Variants in SOX6 observed in about 807,000 individuals in gnomAD.
SOX6 encodes SRY-box transcription factor 6.
A neutral mutation model predicts 97.8 loss-of-function variants in SOX6; 11 were observed. The observed-to-expected ratio is 0.11, with a 90% CI of 0.07 to 0.19. SOX6 has a LOEUF of 0.19. SOX6 is among the 10% of genes least tolerant of loss of function. The pLI is 1.00. For missense variants in SOX6, 810 were observed against 1,039.5 expected (o/e 0.78, Z 3.04); for synonymous variants, 360 against 371.4 (o/e 0.97, Z 0.35).
chr11:16,335,628 T>C (rs2134331381), intron 2 of SOX6, among the ~76,000 whole-genome samples: 1 of 152,298 alleles, frequency 6.6e-6, no homozygotes, highest in South Asian at 2.1e-4. Context: ...ATAACAAGAT[T>C]AGAAATCTTC....
chr11:16,067,104 A>T (rs138014747), intron 9 of SOX6, among the ~76,000 whole-genome samples: 232 of 152,250 alleles, frequency 1.5e-3, no homozygotes, highest in Non-Finnish European at 2.3e-3. Context: ...GGCTCATAGG[A>T]AGAAGAAACT....
intron 3 of SOX6, among the ~76,000 whole-genome samples, chr11:16,274,733 T>A (rs1423862213): frequency 1.3e-5 from 2 of 152,186 alleles, no homozygotes; most frequent in Non-Finnish European, 2.9e-5. Flanking sequence ...TAGAAAGTGA[T>A]ACAAAGGTCA....
At chr11:16,250,747 T>C (rs1027724899) in intron 3 of SOX6, among the ~76,000 whole-genome samples, 3 of 152,042 alleles carry the variant, frequency 2.0e-5, no homozygotes, top group Admixed American at 1.3e-4. Context: ...GATTTTAACA[T>C]AGCTGCCTCA....
chr11:16,156,625 T>A (rs995616194), intron 6 of SOX6, among the ~76,000 whole-genome samples: 1 of 151,898 alleles, frequency 6.6e-6, no homozygotes, highest in Non-Finnish European at 1.5e-5. Flanking sequence ...CACCAATACA[T>A]CTCTGACTTC....
chr11:16,675,323 A>T (rs1847876721), intron 3 of SOX6, among the ~76,000 whole-genome samples: 1 of 152,078 alleles, frequency 6.6e-6, no homozygotes, highest in Non-Finnish European at 1.5e-5. Context: ...CTATTTTTTT[A>T]AATTATATTT....
intron 4 of SOX6, among the ~76,000 whole-genome samples, chr11:16,580,620 T>C (rs181714815): frequency 2.6e-5 from 4 of 152,002 alleles, no homozygotes; most frequent in Admixed American, 6.6e-5. Flanking sequence ...ATAAAGAAAA[T>C]ATGTTGCATC....
At chr11:16,460,418 T>TAC (rs1859900224) in intron 1 of SOX6, among the ~76,000 whole-genome samples, 1 of 151,914 alleles carries the variant, frequency 6.6e-6, no homozygotes, top group Admixed American at 6.6e-5. Flanking sequence ...TGAGTTCATA[T>TAC]TCTTATAGTG....
intron 3 of SOX6, among the ~76,000 whole-genome samples, chr11:16,661,581 T>G (rs767546252): frequency 3.3e-5 from 5 of 152,122 alleles, no homozygotes; most frequent in African/African-American, 7.2e-5. Context: ...AAGGTCCTGC[T>G]CTGTCACGAA....
At chr11:16,451,716 C>T (rs1859718282) in intron 1 of SOX6, among the ~76,000 whole-genome samples, 1 of 152,076 alleles carries the variant, frequency 6.6e-6, no homozygotes, top group African/African-American at 2.4e-5. Flanking sequence ...ATTGTGCATC[C>T]TAATCAACTG....
At chr11:16,462,748 C>A (rs1250902486) in intron 1 of SOX6, among the ~76,000 whole-genome samples, 1 of 152,214 alleles carries the variant, frequency 6.6e-6, no homozygotes, top group Non-Finnish European at 1.5e-5. Context: ...CCCACAGTGA[C>A]ACACTTCTCC....
chr11:16,532,938 T>A (rs144862533), intron 4 of SOX6, among the ~76,000 whole-genome samples: 1 of 151,860 alleles, frequency 6.6e-6, no homozygotes, highest in African/African-American at 2.4e-5. Flanking sequence ...TATATTTTGG[T>A]GTGTGTTGCA....
At chr11:15,978,870 A>G (rs1050285551) in intron 15 of SOX6, among the ~76,000 whole-genome samples, 4 of 136,866 alleles carry the variant, frequency 2.9e-5, no homozygotes, top group Admixed American at 7.6e-5. Flanking sequence ...TATATATAAC[A>G]TATAAGCATT....
intron 4 of SOX6, among the ~76,000 whole-genome samples, chr11:16,229,628 T>C (rs1230654141): frequency 6.6e-6 from 1 of 151,928 alleles, no homozygotes; most frequent in Non-Finnish European, 1.5e-5. Flanking sequence ...AAATAAAATA[T>C]GTATATGAAG....
intron 4 of SOX6, among the ~76,000 whole-genome samples, chr11:16,521,747 T>C (rs990597792): frequency 2.0e-5 from 3 of 152,072 alleles, no homozygotes; most frequent in African/African-American, 7.2e-5. Flanking sequence ...TTTAGACGAA[T>C]GTATAACTAG....
intron 13 of SOX6, among the ~76,000 whole-genome samples, chr11:16,001,619 A>C (rs768616278): frequency 6.6e-6 from 1 of 152,176 alleles, no homozygotes; most frequent in Non-Finnish European, 1.5e-5. Flanking sequence ...CACTTTAAGG[A>C]TGCCACTTCC....
intron 9 of SOX6, among the ~76,000 whole-genome samples, chr11:16,086,420 G>A (rs1005170167): frequency 1.6e-4 from 25 of 152,266 alleles, no homozygotes; most frequent in African/African-American, 4.8e-4. Context: ...TGTGCTCTCT[G>A]CCCCACAGTT....
At chr11:16,446,455 A>C (rs1186358222) in intron 1 of SOX6, among the ~76,000 whole-genome samples, 1 of 152,124 alleles carries the variant, frequency 6.6e-6, no homozygotes, top group Non-Finnish European at 1.5e-5. Flanking sequence ...AAATGAGGTA[A>C]GCGAATTACC....
chr11:16,405,824 C>A (rs970268146), intron 1 of SOX6, among the ~76,000 whole-genome samples: 1 of 151,982 alleles, frequency 6.6e-6, no homozygotes, highest in African/African-American at 2.4e-5. Flanking sequence ...GATTTTTACA[C>A]CATGTTGTCT....
At chr11:16,621,052 G>C (rs1848538979) in intron 3 of SOX6, among the ~76,000 whole-genome samples, 1 of 152,128 alleles carries the variant, frequency 6.6e-6, no homozygotes, top group Admixed American at 6.6e-5. Flanking sequence ...ATATTTGGAA[G>C]AGCATGGAGA....
Sources: gnomAD v4.1 joint callset for allele counts (sites outside exome capture counted in the v4.1 genomes callset) on GRCh38, gnomAD v4.1.1 for gene constraint, MANE v1.5 for transcripts, NCBI Gene and HGNC (gene_info 2026-07-23, HGNC 2026-07-21) for gene names.